Variants in TRPC6 observed in about 807,000 individuals in gnomAD.
TRPC6 encodes short transient receptor potential channel 6.
TRPC6 carries 55 observed loss-of-function variants against 90.7 expected under a neutral mutation model. The ratio of observed to expected loss-of-function variants is 0.61; its 90% CI spans 0.49 to 0.76. The LOEUF is 0.76. TRPC6 is among the 30% of genes least tolerant of loss of function. The pLI, the probability that TRPC6 is intolerant of heterozygous loss-of-function variation, is 0.00. For missense variants in TRPC6, 989 were observed against 1,122.7 expected (o/e 0.88, Z 1.70); for synonymous variants, 393 against 393.0 (o/e 1.00, Z 0.00).
chr11:101,526,900 T>TAAAAAAAAAAAAAA (rs1860794749), intron 1 of TRPC6, among the ~76,000 whole-genome samples: 4 of 86,138 alleles, frequency 4.6e-5, no homozygotes, highest in African/African-American at 1.3e-4. Context: ...AAAAAAAAAT[T>TAAAAAAAAAAAAAA]AAATAGTCTT....
chr11:101,549,452 C>G (rs1264596044), intron 1 of TRPC6, among the ~76,000 whole-genome samples: 5 of 151,194 alleles, frequency 3.3e-5, no homozygotes, highest in African/African-American at 1.2e-4. Context: ...AAGAAAATAG[C>G]AAAAAGGCAA....
chr11:101,526,763 C>T (rs751943996), intron 1 of TRPC6, among the ~76,000 whole-genome samples: 49 of 144,486 alleles, frequency 3.4e-4, no homozygotes, highest in Non-Finnish European at 6.6e-4. Context: ...ACTCGGGAGG[C>T]TGAGGCAGGA....
chr11:101,553,015 G>A (rs888812018), intron 1 of TRPC6, among the ~76,000 whole-genome samples: 1 of 152,098 alleles, frequency 6.6e-6, no homozygotes, highest in Non-Finnish European at 1.5e-5. Context: ...GAAAAGAGAA[G>A]CTTCCTTAAA....
chr11:101,566,205 A>G (rs900254092), intron 1 of TRPC6, among the ~76,000 whole-genome samples: 2 of 152,230 alleles, frequency 1.3e-5, no homozygotes, highest in Admixed American at 1.3e-4. Flanking sequence ...CAGGCACAAC[A>G]TGGTACAAAT....
chr11:101,463,678 A>C (rs772101251), intron 10 of TRPC6, among the ~76,000 whole-genome samples: 25 of 151,838 alleles, frequency 1.6e-4, no homozygotes, highest in African/African-American at 6.0e-4. Context: ...TTTTTATTGC[A>C]TCTATTTGAT....
intron 1 of TRPC6, among the ~76,000 whole-genome samples, chr11:101,565,321 G>A (rs1861805122): frequency 6.6e-6 from 1 of 152,022 alleles, no homozygotes; most frequent in Non-Finnish European, 1.5e-5. Flanking sequence ...AAGTGATAAT[G>A]AGTTTAGTTA....
At chr11:101,571,894 T>C (rs994766708) in intron 1 of TRPC6, among the ~76,000 whole-genome samples, 6 of 152,132 alleles carry the variant, frequency 3.9e-5, no homozygotes, top group Admixed American at 3.9e-4. Flanking sequence ...GACTTAAACA[T>C]AAGACCTAAA....
intron 1 of TRPC6, among the ~76,000 whole-genome samples, chr11:101,542,621 C>G (rs1157603315): frequency 6.9e-6 from 1 of 144,762 alleles, no homozygotes; most frequent in African/African-American, 2.6e-5. Context: ...AAAAAAAAAA[C>G]ACAAGAAAAC....
intron 10 of TRPC6, chr11:101,455,407 A>T: frequency 3.6e-6 from 1 of 281,502 alleles, no homozygotes; most frequent in African/African-American, 2.2e-5. Flanking sequence ...GTAGAGAAAG[A>T]GTCAAACAAA....
chr11:101,553,535 G>A (rs1414608094), intron 1 of TRPC6, among the ~76,000 whole-genome samples: 1 of 152,030 alleles, frequency 6.6e-6, no homozygotes, highest in Non-Finnish European at 1.5e-5. Flanking sequence ...TTAGTTTAAA[G>A]CAAGTAATGT....
At chr11:101,526,216 C>G (rs2136787005) in intron 1 of TRPC6, among the ~76,000 whole-genome samples, 1 of 152,226 alleles carries the variant, frequency 6.6e-6, no homozygotes, top group South Asian at 2.1e-4. Flanking sequence ...AGGCATGATG[C>G]AGACCCCTCT....
rs773420331 is a variant in TRPC6 at position 101,488,993 on chromosome 11, C to T, written c.1237G>A (p.Val413Ile). The T allele has an allele frequency of 7.4e-6, 12 of 1,614,054 alleles. No individual in the cohort carries two copies. The highest frequency in any genetic ancestry group is 9.3e-6 in the Non-Finnish European group (11 of 1,180,014). ...GCCAGGAAGGGCAGTCCAATGGCAA[C>T]AGCAAGGACCACAAGGAACTTGACC... is the stretch of plus-strand genomic sequence containing the variant. ...MAVKFLVVLAVAIGLPFLALI... is the reference protein window; with the variant it reads ...MAVKFLVVLAIAIGLPFLALI... The change falls in exon 4 of 13, where the codon GTT (valine) becomes ATT (isoleucine). Residue 413 changes from valine (V) to isoleucine (I), a missense_variant. Physicochemically the swap from Val to Ile is conservative, Grantham distance 29. This residue lies in a region of TRPC6 where 486 missense variants were observed against 591.9 expected (regional missense o/e 0.82). Coordinates refer to ENST00000344327, the MANE Select transcript of TRPC6 (RefSeq NM_004621.6).
At chr11:101,522,922 G>C (rs1311040633) in intron 1 of TRPC6, among the ~76,000 whole-genome samples, 2 of 152,162 alleles carry the variant, frequency 1.3e-5, no homozygotes, top group Admixed American at 1.3e-4. Context: ...AAAAATGATA[G>C]AAAACACAAA....
chr11:101,495,578 G>A (rs981679196), intron 2 of TRPC6, among the ~76,000 whole-genome samples: 5 of 148,932 alleles, frequency 3.4e-5, no homozygotes, highest in East Asian at 2.0e-4. Context: ...ACAGGGTAGT[G>A]CAGATCAATG....
chr11:101,472,583 G>A (rs1200832725), intron 7 of TRPC6, among the ~76,000 whole-genome samples: 1 of 152,076 alleles, frequency 6.6e-6, no homozygotes, highest in Non-Finnish European at 1.5e-5. Context: ...CTCAATAAAT[G>A]CTATTAACAT....
At chr11:101,465,866 G>C (rs1859132410) in intron 10 of TRPC6, among the ~76,000 whole-genome samples, 1 of 152,136 alleles carries the variant, frequency 6.6e-6, no homozygotes, top group Non-Finnish European at 1.5e-5. Flanking sequence ...GAGGTGAAGA[G>C]GCATTCTGGT....
At chr11:101,554,841 T>A (rs994591360) in intron 1 of TRPC6, among the ~76,000 whole-genome samples, 1 of 152,132 alleles carries the variant, frequency 6.6e-6, no homozygotes, top group Non-Finnish European at 1.5e-5. Flanking sequence ...CCAGCCCTAT[T>A]TCCTTGCCCT....
chr11:101,471,975 CA>C lies in TRPC6; in HGVS notation c.2205+161del, dbSNP rs1859302479. Among the ~76,000 whole-genome samples, 3 of 152,260 alleles carry C rather than the reference CA, an allele frequency of 2.0e-5. No individual in the cohort carries two copies. In the South Asian group the frequency reaches 6.2e-4, roughly 32 times the overall value. On this transcript the variant is annotated intron_variant, in intron 8 of 12. Transcript: ENST00000344327. Reference sequence around the variant, plus strand: ...ACCTTACTGATGTTGCATTTGGAAGCAAAGAGTTAAAATTTTCCAGATTACT... The same window carrying C: ...ACCTTACTGATGTTGCATTTGGAAGCAAGAGTTAAAATTTTCCAGATTACT...
chr11:101,491,934 G>A (rs1311729232), intron 2 of TRPC6, among the ~76,000 whole-genome samples, 196 bp from the exon 3 acceptor site: 1 of 145,118 alleles, frequency 6.9e-6, no homozygotes, highest in East Asian at 2.0e-4. Context: ...TCCGCCTCCT[G>A]GGTTCACGCC....
Sources: gnomAD v4.1 joint callset for allele counts (sites outside exome capture counted in the v4.1 genomes callset) on GRCh38, gnomAD v4.1.1 for gene constraint, gnomAD v4.1.1 regional missense constraint, MANE v1.5 for transcripts, NCBI Gene and HGNC (gene_info 2026-07-23, HGNC 2026-07-21) for gene names.